The following CSTPP1 variants were observed in gnomAD, a reference collection of about 807,000 sequenced individuals.
The protein encoded by CSTPP1 is UPF0705 protein C11orf49.
At chr11:47,032,750 T>G in the CSTPP1 span, among the ~76,000 whole-genome samples, 2 of 152,170 alleles carry the variant, frequency 1.3e-5, no homozygotes, top group Non-Finnish European at 2.9e-5. Flanking sequence ...TTTATGCTAC[T>G]TTTTGTAGCA....
the CSTPP1 span, among the ~76,000 whole-genome samples, chr11:46,973,540 G>C: frequency 6.6e-6 from 1 of 152,114 alleles, no homozygotes; most frequent in African/African-American, 2.4e-5. Context: ...CCTCACCATA[G>C]AATCCATTCT....
At chr11:46,994,508 G>T in the CSTPP1 span, among the ~76,000 whole-genome samples, 1 of 152,134 alleles carries the variant, frequency 6.6e-6, no homozygotes, top group Non-Finnish European at 1.5e-5. Flanking sequence ...TTTGTCAAAG[G>T]CCTTTTCTGC....
chr11:47,157,876 A>C, the CSTPP1 span: 1 of 1,614,044 alleles, frequency 6.2e-7, no homozygotes, highest in South Asian at 1.1e-5. Flanking sequence ...CCTTCTATGG[A>C]TTCCTCATGG....
At chr11:47,161,604 G>A in the CSTPP1 span, 1 of 1,613,936 alleles carries the variant, frequency 6.2e-7, no homozygotes, top group East Asian at 2.2e-5. Context: ...GAGAGTGATG[G>A]CTCCACTGAA....
chr11:47,063,003 T>G, the CSTPP1 span, among the ~76,000 whole-genome samples: 1 of 152,214 alleles, frequency 6.6e-6, no homozygotes, highest in Non-Finnish European at 1.5e-5. Context: ...TGACATTCCC[T>G]GCGCGTCTGT....
the CSTPP1 span, among the ~76,000 whole-genome samples, chr11:47,035,335 G>A: frequency 1.3e-5 from 2 of 152,172 alleles, no homozygotes; most frequent in Admixed American, 6.5e-5. Flanking sequence ...GTATGGGTCC[G>A]ATAGTGTTAT....
At chr11:47,156,879 C>A in the CSTPP1 span, 1 of 764,810 alleles carries the variant, frequency 1.3e-6, no homozygotes, top group Non-Finnish European at 2.0e-6. Context: ...AGGTTGAGAA[C>A]TTCTGCTCTC....
the CSTPP1 span, among the ~76,000 whole-genome samples, chr11:47,039,459 AGAGAGGGAGAGGGAGACCGTGGG>A: frequency 8.7e-5 from 11 of 126,294 alleles, no homozygotes; most frequent in African/African-American, 2.5e-4. Flanking sequence ...GAGACCGTGG[AGAGAGGGAGAGGGAGACCGTGGG>A]GAGAGGGAGA....
At chr11:47,110,890 CT>C in the CSTPP1 span, among the ~76,000 whole-genome samples, 226 of 125,444 alleles carry the variant, frequency 1.8e-3, no homozygotes, top group Admixed American at 4.2e-3. Flanking sequence ...GAGAACACAT[CT>C]TTTTTTTTTT....
At chr11:47,142,482 C>T in the CSTPP1 span, among the ~76,000 whole-genome samples, 1 of 152,032 alleles carries the variant, frequency 6.6e-6, no homozygotes, top group Non-Finnish European at 1.5e-5. Flanking sequence ...GGGATACAGT[C>T]ATGAATAAGA....
At chr11:47,104,410 C>G in the CSTPP1 span, among the ~76,000 whole-genome samples, 1 of 152,228 alleles carries the variant, frequency 6.6e-6, no homozygotes, top group Non-Finnish European at 1.5e-5. Flanking sequence ...CTCAGTCACA[C>G]TGTGGCCCCA....
chr11:47,049,162 T>C, the CSTPP1 span, among the ~76,000 whole-genome samples: 2 of 151,694 alleles, frequency 1.3e-5, no homozygotes, highest in Non-Finnish European at 1.5e-5. Context: ...ATTTTTGTAA[T>C]GTTTCATAAA....
the CSTPP1 span, chr11:47,161,970 TCCC>T: frequency 5.7e-6 from 6 of 1,057,526 alleles, no homozygotes; most frequent in Non-Finnish European, 6.8e-6. Flanking sequence ...CCTCTGCGGG[TCCC>T]CCAATAAGGT....
the CSTPP1 span, among the ~76,000 whole-genome samples, chr11:47,022,428 G>A: frequency 8.2e-6 from 1 of 121,454 alleles, no homozygotes; most frequent in Admixed American, 1.1e-4. Context: ...GGAGTACAGT[G>A]GTGTGATCTC....
At chr11:47,162,125 G>A in the CSTPP1 span, 75 of 986,202 alleles carry the variant, frequency 7.6e-5, no homozygotes, top group Non-Finnish European at 8.5e-5. Flanking sequence ...AGTAGCCTTG[G>A]TAATATGAAG....
the CSTPP1 span, among the ~76,000 whole-genome samples, chr11:47,135,581 T>G: frequency 6.6e-6 from 1 of 152,158 alleles, no homozygotes; most frequent in Admixed American, 6.5e-5. Flanking sequence ...GGTCACTACT[T>G]CAGTAGAATT....
the CSTPP1 span, among the ~76,000 whole-genome samples, chr11:46,959,943 T>A: frequency 6.6e-6 from 1 of 151,066 alleles, no homozygotes; most frequent in African/African-American, 2.5e-5. Context: ...TTCGGCTCAC[T>A]GCAACCTCCA....
chr11:46,991,476 GGGCT>G, the CSTPP1 span: 2 of 152,148 alleles, frequency 1.3e-5, no homozygotes, highest in African/African-American at 2.4e-5. Context: ...CTCATGATGT[GGGCT>G]GGAGCAAATG....
chr11:46,971,913 A>G, the CSTPP1 span, among the ~76,000 whole-genome samples: 31 of 152,250 alleles, frequency 2.0e-4, no homozygotes, highest in Non-Finnish European at 8.8e-5. Flanking sequence ...GTGCCACTGC[A>G]CTTCAGCAAG....
Sources: allele counts gnomAD v4.1 joint callset (sites outside exome capture counted in the v4.1 genomes callset), GRCh38; gene constraint gnomAD v4.1.1; transcripts MANE v1.5; gene names NCBI Gene and HGNC (gene_info 2026-07-23, HGNC 2026-07-21).